Variants in ZNF718 observed in about 807,000 individuals in gnomAD.
ZNF718 encodes zinc finger protein 718.
In ZNF718, 3 loss-of-function variants were observed where a neutral mutation model predicts 2.6. The ratio of observed to expected loss-of-function variants is 1.16; its 90% CI spans 0.53 to 3.01. ZNF718 has a LOEUF of 3.01. ZNF718 is among the 30% of genes most tolerant of loss of function. The probability of loss-of-function intolerance (pLI) is 0.03; values close to 1 mark genes in which losing one functional copy is unlikely to be tolerated. For synonymous variants in ZNF718, 135 were observed against 77.9 expected (o/e 1.73, Z -3.86); for missense variants, 468 against 230.0 (o/e 2.03, Z -6.69).
At chr4:178,265 A>G (rs373444023) in intron 3 of ZNF718, among the ~76,000 whole-genome samples, 3 of 151,860 alleles carry the variant, frequency 2.0e-5, no homozygotes, top group Non-Finnish European at 2.9e-5. Context: ...CAGCCAGCCA[A>G]GTAGCTGGGA....
At chr4:140,730 A>C (rs1553810129) in intron 3 of ZNF718, among the ~76,000 whole-genome samples, 1 of 152,182 alleles carries the variant, frequency 6.6e-6, no homozygotes, top group Non-Finnish European at 1.5e-5. Context: ...GTGTGTGTAT[A>C]CATGTCTAGA....
intron 3 of ZNF718, among the ~76,000 whole-genome samples, chr4:195,585 C>G (rs1581488109): frequency 6.8e-6 from 1 of 146,634 alleles, no homozygotes; most frequent in Non-Finnish European, 1.5e-5. Context: ...TACGTTTTTG[C>G]TTTTTTTTTT....
At chr4:154,780 G>T (rs1239975851) in intron 3 of ZNF718, among the ~76,000 whole-genome samples, 1 of 152,206 alleles carries the variant, frequency 6.6e-6, no homozygotes, top group East Asian at 1.9e-4. Flanking sequence ...TTTCTGAAGG[G>T]AAATTCAAGC....
chr4:145,669 G>T (rs1389586583), intron 3 of ZNF718, among the ~76,000 whole-genome samples: 1 of 151,972 alleles, frequency 6.6e-6, no homozygotes, highest in Non-Finnish European at 1.5e-5. Context: ...TGTTGCTCAG[G>T]CTGGTCTTGA....
chr4:187,401 A>G (rs182374868), intron 3 of ZNF718, among the ~76,000 whole-genome samples: 467 of 151,638 alleles, frequency 3.1e-3, no homozygotes, highest in Middle Eastern at 0.01. Flanking sequence ...TAATTTTTGT[A>G]TTTTTAGTAG....
intron 3 of ZNF718, among the ~76,000 whole-genome samples, chr4:198,855 G>A (rs139465369): frequency 3.9e-5 from 6 of 152,302 alleles, no homozygotes; most frequent in Non-Finnish European, 7.4e-5. Context: ...TTAACTGATG[G>A]TGACTGTGTG....
chr4:188,304 G>T (rs1717610353), intron 3 of ZNF718, among the ~76,000 whole-genome samples: 1 of 152,228 alleles, frequency 6.6e-6, no homozygotes, highest in Non-Finnish European at 1.5e-5. Flanking sequence ...CAGCTGTGCT[G>T]TGCTGTGCTG....
chr4:157,103 C>CTTTTTTTCT (rs1716606285), intron 3 of ZNF718, among the ~76,000 whole-genome samples: 4 of 103,146 alleles, frequency 3.9e-5, no homozygotes, highest in African/African-American at 4.0e-5. Flanking sequence ...TTCTTTCTTT[C>CTTTTTTTCT]TTTTTTTTTT....
chr4:183,848 T>C (rs1175008653), intron 3 of ZNF718, among the ~76,000 whole-genome samples: 1 of 152,082 alleles, frequency 6.6e-6, no homozygotes, highest in African/African-American at 2.4e-5. Flanking sequence ...ATTTTTTTTT[T>C]CATTGTTTTT....
downstream of ZNF718, among the ~76,000 whole-genome samples, chr4:169,117 A>T (rs1717163455): frequency 6.6e-6 from 1 of 152,172 alleles, no homozygotes; most frequent in South Asian, 2.1e-4. Context: ...TGTACCCAGT[A>T]GTCATTCAGG....
In ZNF718 at chr4:160,637, C is replaced by T. The variant is rs146763083; in HGVS notation, c.227-275C>T. Among the ~76,000 whole-genome samples the T allele has an allele frequency of 8.5e-3, 1,297 of 152,220 alleles. 18 individuals are homozygous for T. Among genetic ancestry groups the T allele is most frequent in the Middle Eastern group, 0.061 (18 of 294 alleles). On this transcript the variant is annotated intron_variant, in intron 3 of 3. Coordinates refer to ENST00000510175, the MANE Select transcript of ZNF718 (RefSeq NM_001039127.6). ...TGATCTTGGCTGATGGAAGCCTCTACCTCCCGGGTTCAAGGGATTCTCCTG... is the reference window on the plus strand; with the variant it reads ...TGATCTTGGCTGATGGAAGCCTCTATCTCCCGGGTTCAAGGGATTCTCCTG...
intron 3 of ZNF718, among the ~76,000 whole-genome samples, chr4:188,495 C>T (rs1472949697): frequency 6.6e-6 from 1 of 152,162 alleles, no homozygotes; most frequent in Non-Finnish European, 1.5e-5. Flanking sequence ...GGAAGTGGGG[C>T]CCACAGACTG....
chr4:140,431 T>C (rs572656764), intron 3 of ZNF718, among the ~76,000 whole-genome samples: 52 of 152,306 alleles, frequency 3.4e-4, no homozygotes, highest in African/African-American at 1.3e-3. Flanking sequence ...TGGAGTTTAC[T>C]GTTGAATGGA....
rs1715099850 is a variant in ZNF718 at position 124,503 on chromosome 4, C to T, written c.-168C>T. 2 of 923,742 alleles carry T rather than the reference C, an allele frequency of 2.2e-6. No individual in the cohort carries two copies. The highest frequency in any genetic ancestry group is 3.4e-6 in the Non-Finnish European group (2 of 586,148). The allele number at this position is 923,742 out of a possible 1,614,324, so 57.2% of individuals were successfully genotyped here. On this transcript the variant is annotated 5_prime_UTR_variant, in exon 1 of 4. Transcript: ENST00000510175. ...GTGCGGCATCCGGGATCTGGCGCGG[C>T]TTTTGCTTGTAGCTCCAGCCAGAGC...
At chr4:187,411 G>A (rs1717592010) in intron 3 of ZNF718, among the ~76,000 whole-genome samples, 1 of 152,006 alleles carries the variant, frequency 6.6e-6, no homozygotes, top group Non-Finnish European at 1.5e-5. Flanking sequence ...ATTTTTAGTA[G>A]AGACAGGGTT....
rs1715348709 is a variant in ZNF718 at position 131,501 on chromosome 4, C to G, written c.222C>G (p.Pro74=). The change falls in exon 3 of 4, where the codon CCC becomes CCG. Residue 74 remains proline, a synonymous_variant. Coordinates refer to ENST00000510175, the MANE Select transcript of ZNF718 (RefSeq NM_001039127.6). ...NLKIHETAAR[P]PAVCSHFTQN... The stretch of plus-strand genomic sequence containing the variant: ...AGATACATGAAACAGCAGCCAGACC[C>G]CCAGGTAGGTGAGAGTGAATGGAGG... The G allele has an allele frequency of 4.4e-6, 2 of 457,608 alleles. 1 individual carries two copies. Among genetic ancestry groups the G allele is most frequent in the Non-Finnish European group, 7.0e-6 (2 of 283,972 alleles). 28.3% of individuals were successfully genotyped at this position (457,608 alleles called of 1,614,324 possible).
At chr4:196,212 T>C (rs1167692600) in intron 3 of ZNF718, among the ~76,000 whole-genome samples, 1 of 152,044 alleles carries the variant, frequency 6.6e-6, no homozygotes, top group Non-Finnish European at 1.5e-5. Context: ...TGGGTAGAAA[T>C]TGGGGAAGGA....
chr4:137,720 G>GGT (rs1560110392), intron 3 of ZNF718, among the ~76,000 whole-genome samples: 2 of 151,250 alleles, frequency 1.3e-5, no homozygotes, highest in African/African-American at 4.9e-5. Context: ...GTTTATTCTG[G>GGT]GTGTTAACTT....
At chr4:188,285 T>A (rs1463161315) in intron 3 of ZNF718, among the ~76,000 whole-genome samples, 1 of 152,192 alleles carries the variant, frequency 6.6e-6, no homozygotes, top group Non-Finnish European at 1.5e-5. Flanking sequence ...TGGCCATATC[T>A]TGGTAAAACA....
Sources: allele counts gnomAD v4.1 joint callset (sites outside exome capture counted in the v4.1 genomes callset), GRCh38; gene constraint gnomAD v4.1.1; transcripts MANE v1.5; gene names NCBI Gene and HGNC (gene_info 2026-07-23, HGNC 2026-07-21).